PCCB: variants seen among roughly 807,000 people sequenced by gnomAD.
PCCB encodes the protein propionyl-CoA carboxylase beta chain, mitochondrial.
PCCB carries 43 observed loss-of-function variants against 60.7 expected under a neutral mutation model. That is an observed-to-expected ratio of 0.71 (90% confidence interval 0.55 to 0.91). The LOEUF (loss-of-function observed/expected upper bound fraction) is 0.91, where lower values mean the gene tolerates loss of function less well. Ranked by LOEUF, PCCB falls within the 40% of genes least tolerant of loss-of-function variation. The pLI, the probability that PCCB is intolerant of heterozygous loss-of-function variation, is 0.00. For missense variants in PCCB, 766 were observed against 702.8 expected, an observed-to-expected ratio of 1.09 and a Z score of -1.02; for synonymous variants, 276 against 255.9, an observed-to-expected ratio of 1.08 and a Z score of -0.75.
At chr3:136,274,075 A>C (rs1231211278) in intron 5 of PCCB, among the ~76,000 whole-genome samples, 1 of 152,050 alleles carries the variant, frequency 6.6e-6, no homozygotes, top group East Asian at 1.9e-4. Context: ...TGATTTTTTA[A>C]AAATCCATTC....
chr3:136,301,938 G>A lies in PCCB; in HGVS notation c.966+827G>A, dbSNP rs1483795429. On this transcript the variant is annotated intron_variant, in intron 9 of 14. Coordinates refer to ENST00000251654, the MANE Select transcript of PCCB (RefSeq NM_000532.5). ...GTTTTTGAGTGTCCTAGTTGTTAAC[G>A]TCTGGCTCCCAAAAGTAGAAAAAGA... Among the ~76,000 whole-genome samples the A allele has an allele frequency of 3.3e-5, 5 of 152,044 alleles. No homozygotes were observed. In the East Asian group the frequency reaches 9.6e-4, roughly 29 times the overall value.
intron 8 of PCCB, among the ~76,000 whole-genome samples, chr3:136,298,840 G>A (rs999699723): frequency 2.0e-5 from 3 of 152,210 alleles, no homozygotes; most frequent in Admixed American, 6.5e-5. Context: ...TGTATTGTTT[G>A]GGAAGAGGTC....
chr3:136,319,517 C>T (rs1002221671), intron 10 of PCCB, among the ~76,000 whole-genome samples: 5 of 152,070 alleles, frequency 3.3e-5, no homozygotes, highest in Non-Finnish European at 7.3e-5. Context: ...CTCACCTCAG[C>T]ATCCCAAATA....
At chr3:136,328,596 C>T (rs755632999) in intron 13 of PCCB, among the ~76,000 whole-genome samples, 162 bp from the exon 14 acceptor site, 1 of 152,146 alleles carries the variant, frequency 6.6e-6, no homozygotes, top group Non-Finnish European at 1.5e-5. Context: ...ATGGTCAGCC[C>T]CAGGCAGTTC....
intron 5 of PCCB, among the ~76,000 whole-genome samples, chr3:136,268,103 T>TAG (rs1361776081): frequency 2.4e-5 from 3 of 125,530 alleles, no homozygotes; most frequent in African/African-American, 1.0e-4. Context: ...TATATATATA[T>TAG]ATATATATAT....
At chr3:136,319,465 C>T (rs778068012) in intron 10 of PCCB, among the ~76,000 whole-genome samples, 20 of 151,142 alleles carry the variant, frequency 1.3e-4, no homozygotes, top group Admixed American at 5.9e-4. Flanking sequence ...GGTACGATCT[C>T]GGCTTATTGC....
intron 9 of PCCB, among the ~76,000 whole-genome samples, chr3:136,301,405 T>C (rs532023051): frequency 6.6e-6 from 1 of 152,172 alleles, no homozygotes; most frequent in East Asian, 1.9e-4. Flanking sequence ...TTAGGGGCCA[T>C]GTCCACAGAG....
At chr3:136,283,706 G>T in intron 5 of PCCB, 131 bp from the exon 6 acceptor site, 1 of 683,846 alleles carries the variant, frequency 1.5e-6, no homozygotes, top group Non-Finnish European at 2.7e-6. Context: ...CACTGATTAG[G>T]TCTGTTGCCT....
At chr3:136,319,812 GT>G (rs34362321) in intron 10 of PCCB, among the ~76,000 whole-genome samples, 1 of 152,110 alleles carries the variant, frequency 6.6e-6, no homozygotes, top group Non-Finnish European at 1.5e-5. Context: ...TGTTCCTGTT[GT>G]TTTTTTCCTG....
chr3:136,299,535 C>A, intron 8 of PCCB, among the ~76,000 whole-genome samples: 1 of 105,224 alleles, frequency 9.5e-6, no homozygotes, highest in African/African-American at 4.7e-5. Flanking sequence ...TATGTATATG[C>A]ATGTGTATAG....
At chr3:136,272,149 G>A (rs1484531415) in intron 5 of PCCB, among the ~76,000 whole-genome samples, 1 of 151,978 alleles carries the variant, frequency 6.6e-6, no homozygotes, top group Non-Finnish European at 1.5e-5. Context: ...TCTGTTTACG[G>A]GATTTATCAC....
intron 9 of PCCB, among the ~76,000 whole-genome samples, chr3:136,311,780 T>G (rs773804481): frequency 1.3e-5 from 2 of 152,124 alleles, no homozygotes; most frequent in African/African-American, 2.4e-5. Context: ...GGCAACATAG[T>G]GAGACCTTGT....
rs752143370 is a variant in PCCB, at chr3:136,256,614, C to A, written c.363C>A (p.Val121=). The stretch of plus-strand genomic sequence containing the variant: ...GAATCAATGGAAGATTGGTTTATGT[C>A]TTCAGTCAGGTATTTCATAACTCCA... ...RGRINGRLVY[V]FSQDFTVFGG... is the part of the protein sequence containing the mutation. Residue 121 remains valine, a synonymous_variant, in exon 3 of 15, where the codon GTC becomes GTA. Coordinates refer to ENST00000251654, the MANE Select transcript of PCCB (RefSeq NM_000532.5). 1 of 1,608,486 alleles carries A rather than the reference C, an allele frequency of 6.2e-7. No homozygotes were observed. The highest frequency in any genetic ancestry group is 1.7e-5 in the Admixed American group (1 of 59,986).
chr3:136,315,714 G>T, intron 9 of PCCB, among the ~76,000 whole-genome samples: 1 of 151,528 alleles, frequency 6.6e-6, no homozygotes. Context: ...TGTAGTCCTA[G>T]CTACTTGGGA....
Position 136,328,806 on chromosome 3 carries a change from C to T in PCCB, c.1447C>T (p.Gln483Ter). ...AGGGCATGAGAATGTGGAAGCTGCT[C>T]AGGCAGAGTACATCGAGAAGTTTGC... ...FKGHENVEAAQAEYIEKFANP... is the reference protein window; with the variant it reads ...FKGHENVEAA The change falls in exon 14 of 15, where the codon CAG becomes TAG. Residue 483 changes from glutamine to a stop codon, truncating the protein, a stop_gained. Coordinates refer to ENST00000251654, the MANE Select transcript of PCCB (RefSeq NM_000532.5). LOFTEE classifies it high-confidence loss of function. The T allele has an allele frequency of 6.2e-7, 1 of 1,614,188 alleles. No homozygotes were observed. The highest frequency in any genetic ancestry group is 8.5e-7 in the Non-Finnish European group (1 of 1,180,012).
intron 5 of PCCB, among the ~76,000 whole-genome samples, chr3:136,277,613 G>C (rs958871861): frequency 6.6e-6 from 1 of 152,058 alleles, no homozygotes; most frequent in African/African-American, 2.4e-5. Flanking sequence ...GGGTTGGGGG[G>C]GCGGTTCTCA....
chr3:136,267,595 C>T (rs1942039680), intron 5 of PCCB, among the ~76,000 whole-genome samples: 1 of 152,094 alleles, frequency 6.6e-6, no homozygotes, highest in South Asian at 2.1e-4. Flanking sequence ...GGCAGTCCTC[C>T]TGCCTCATCC....
At chr3:136,266,568 T>A (rs1432234643) in intron 5 of PCCB, among the ~76,000 whole-genome samples, 9 of 152,204 alleles carry the variant, frequency 5.9e-5, no homozygotes, top group Admixed American at 5.9e-4. Flanking sequence ...ATTACAGGCG[T>A]GAGCCACTGT....
intron 7 of PCCB, 50 bp from the exon 8 acceptor site, chr3:136,297,902 T>A (rs767635303): frequency 6.2e-7 from 1 of 1,612,978 alleles, no homozygotes; most frequent in Non-Finnish European, 8.5e-7. Flanking sequence ...GCAGCAACTT[T>A]GGGCTGGCTG....
Sources: gnomAD v4.1 joint callset for allele counts (sites outside exome capture counted in the v4.1 genomes callset) on GRCh38, gnomAD v4.1.1 for gene constraint, MANE v1.5 for transcripts, NCBI Gene and HGNC (gene_info 2026-07-23, HGNC 2026-07-21) for gene names.